The following SNX1 variants were observed in gnomAD, a reference collection of about 807,000 sequenced individuals.
SNX1 encodes the protein sorting nexin 1.
A neutral mutation model predicts 71.8 loss-of-function variants in SNX1; 36 were observed. That is an observed-to-expected ratio of 0.50 (90% CI 0.38 to 0.66). SNX1 has a LOEUF of 0.66. Ranked by LOEUF, SNX1 falls within the 30% of genes least tolerant of loss-of-function variation. SNX1 has a pLI of 0.00. For synonymous variants in SNX1, 254 were observed against 240.7 expected (o/e 1.06, Z -0.51); for missense variants, 612 against 646.7 (o/e 0.95, Z 0.58).
Position 64,131,699 on chromosome 15 carries a change from A to G in SNX1, c.1028A>G (p.Asn343Ser). ...LVNHRKELAL[N>S]TAQFAKSLAM... is the part of the protein sequence containing the mutation. Reference sequence around the variant, plus strand: ...TTCCTCCTTCCAGAGCTAGCGCTGAACACAGCCCAGTTTGCAAAGAGTCTA... The same window carrying G: ...TTCCTCCTTCCAGAGCTAGCGCTGAGCACAGCCCAGTTTGCAAAGAGTCTA... The change falls in exon 11 of 15, where the codon AAC (asparagine) becomes AGC (serine). Residue 343 changes from asparagine to serine, a missense_variant. Physicochemically the swap from Asn to Ser is conservative, Grantham distance 46. Around this residue, in one of 2 missense-constraint regions of SNX1, gnomAD observed 296 missense variants for 361.9 expected, o/e 0.82. Coordinates refer to ENST00000559844, the MANE Select transcript of SNX1 (RefSeq NM_003099.5). 6.2e-7 allele frequency: 1 copy of G among 1,614,066 alleles called. No homozygotes were observed.
In SNX1 at chr15:64,136,247, T is replaced by C; in HGVS notation, c.1366-83T>C. 2.9e-6 allele frequency: 3 copies of C among 1,021,606 alleles called. No individual in the cohort carries two copies. The South Asian group carries it at 3.9e-5, about 13-fold the overall frequency. 63.3% of individuals were successfully genotyped at this position (1,021,606 alleles called of 1,614,324 possible). The stretch of plus-strand genomic sequence containing the variant: ...GACATAATGATCAATTGAGCCCTCA[T>C]ATGTAAAATCGCTGTCCAAATGTGA... On this transcript the variant is annotated intron_variant, in intron 12 of 14. Coordinates refer to ENST00000559844, the MANE Select transcript of SNX1 (RefSeq NM_003099.5).
At chr15:64,127,356 G>T in intron 7 of SNX1, 104 bp downstream of exon 7, 1 of 884,802 alleles carries the variant, frequency 1.1e-6, no homozygotes, top group Non-Finnish European at 1.8e-6. Flanking sequence ...GATGAAACGT[G>T]AATAAATTGA....
intron 1 of SNX1, among the ~76,000 whole-genome samples, chr15:64,110,228 A>G (rs2081065216): frequency 6.6e-6 from 1 of 152,172 alleles, no homozygotes; most frequent in South Asian, 2.1e-4. Context: ...CTACAGAAAA[A>G]AGATTAGGAT....
intron 1 of SNX1, chr15:64,111,514 A>T (rs571407655): frequency 6.6e-6 from 1 of 152,218 alleles, no homozygotes; most frequent in Non-Finnish European, 1.5e-5. Context: ...AAGGGTTTCG[A>T]TCTGTAACTG....
intron 1 of SNX1, among the ~76,000 whole-genome samples, chr15:64,109,245 C>T (rs565150666): frequency 2.6e-4 from 40 of 151,634 alleles, no homozygotes; most frequent in African/African-American, 9.4e-4. Flanking sequence ...TGGTGGCACG[C>T]GCCTGTAGTC....
At chr15:64,116,097 T>A (rs1361427634) in intron 2 of SNX1, among the ~76,000 whole-genome samples, 4 of 152,346 alleles carry the variant, frequency 2.6e-5, no homozygotes, top group Middle Eastern at 3.4e-3. Flanking sequence ...ACCAATAAGA[T>A]AATCAATTAA....
chr15:64,136,484 CTGT>C (rs1188392874), intron 13 of SNX1, 74 bp downstream of exon 13: 1 of 1,306,608 alleles, frequency 7.7e-7, no homozygotes, highest in Non-Finnish European at 1.1e-6. Flanking sequence ...TTGTCCAACT[CTGT>C]TGGGTAAAGA....
chr15:64,101,613 T>A (rs766444554), intron 1 of SNX1, among the ~76,000 whole-genome samples: 18 of 152,344 alleles, frequency 1.2e-4, no homozygotes, highest in Admixed American at 3.3e-4. Flanking sequence ...TTCTTTTGGA[T>A]ATATATCCAG....
chr15:64,119,989 A>G (rs887620552), intron 4 of SNX1, among the ~76,000 whole-genome samples: 20 of 152,166 alleles, frequency 1.3e-4, no homozygotes, highest in Non-Finnish European at 2.2e-4. Context: ...TTGAAGTTAG[A>G]TCTTCAAAAA....
chr15:64,114,884 G>A (rs977914240), intron 2 of SNX1, among the ~76,000 whole-genome samples: 1 of 152,184 alleles, frequency 6.6e-6, no homozygotes, highest in Non-Finnish European at 1.5e-5. Context: ...GCTCAGGCCT[G>A]TAATTCCAGC....
chr15:64,131,292 A>G (rs952927070), intron 10 of SNX1, among the ~76,000 whole-genome samples: 1 of 152,236 alleles, frequency 6.6e-6, no homozygotes, highest in African/African-American at 2.4e-5. Context: ...GTGCAAGACT[A>G]TACGATGTGC....
At chr15:64,105,587 A>G (rs1207812723) in intron 1 of SNX1, among the ~76,000 whole-genome samples, 3 of 152,158 alleles carry the variant, frequency 2.0e-5, no homozygotes, top group Non-Finnish European at 2.9e-5. Flanking sequence ...TTCAGAGCAG[A>G]TTTGAACTGG....
In SNX1 at chr15:64,141,663, C is replaced by A. The variant is rs73448956; in HGVS notation, c.*4045C>A. On this transcript the variant is annotated 3_prime_UTR_variant, in exon 15 of 15. Transcript: ENST00000559844. This position sits in a 1 kb window ranked among gnomAD's most constrained non-coding sequence, Gnocchi z 5.1. The stretch of plus-strand genomic sequence containing the variant: ...AGTCAGTGAGGCCCATGGAGAAAAA[C>A]GAGCAGGAGCCACATCACATGGGTG... 1 of 152,258 alleles carries A rather than the reference C, an allele frequency of 6.6e-6. No homozygotes were observed. The highest frequency in any genetic ancestry group is 1.5e-5 in the Non-Finnish European group (1 of 68,122). The allele number at this position is 152,258 out of a possible 1,614,324, so 9.4% of individuals were successfully genotyped here. A position where few individuals can be genotyped will look rare whatever the true frequency, so the allele number is the denominator to read the frequency against.
intron 6 of SNX1, 48 bp from the exon 7 acceptor site, chr15:64,127,126 C>G (rs2081262155): frequency 4.9e-6 from 7 of 1,420,876 alleles, no homozygotes; most frequent in Non-Finnish European, 6.9e-6. Context: ...AAGATTTATC[C>G]TCTTCATGAT....
intron 5 of SNX1, among the ~76,000 whole-genome samples, chr15:64,124,506 C>CAA (rs61561795): frequency 0.059 from 3,799 of 64,014 alleles, 242 homozygotes; most frequent in African/African-American, 0.17. Context: ...GACTCTGTCT[C>CAA]AAAAAAAAAA....
chr15:64,134,841 T>C lies in SNX1; in HGVS notation c.1365+34T>C. On this transcript the variant is annotated intron_variant, in intron 12 of 14. Coordinates refer to ENST00000559844, the MANE Select transcript of SNX1 (RefSeq NM_003099.5). This position sits in a 1 kb window ranked among gnomAD's most constrained non-coding sequence, Gnocchi z 4.1. The stretch of plus-strand genomic sequence containing the variant: ...ACTGAGGCAGCCCAGCCAGGGGTGT[T>C]CTGCTGGTTCCAAATGAACCCAGGG... 1 of 1,611,310 alleles carries C rather than the reference T, an allele frequency of 6.2e-7. No individual in the cohort carries two copies. The highest frequency in any genetic ancestry group is 8.5e-7 in the Non-Finnish European group (1 of 1,178,962).
intron 13 of SNX1, 102 bp from the exon 14 acceptor site, chr15:64,136,759 A>C (rs758939042): frequency 6.1e-6 from 5 of 826,274 alleles, no homozygotes; most frequent in Admixed American, 2.1e-5. Context: ...TGCTGCCTCT[A>C]CTTTCTGAGA....
intron 10 of SNX1, among the ~76,000 whole-genome samples, chr15:64,131,058 G>A (rs972810486): frequency 2.0e-5 from 3 of 152,220 alleles, no homozygotes; most frequent in Non-Finnish European, 2.9e-5. Flanking sequence ...GCCGAGGCAG[G>A]TGGGTCACGA....
intron 1 of SNX1, 128 bp from the exon 2 acceptor site, chr15:64,112,445 T>A (rs780234597): frequency 3.3e-6 from 2 of 601,908 alleles, no homozygotes; most frequent in Non-Finnish European, 5.9e-6. Context: ...ATTTTACTAA[T>A]AACGATTTGC....
Sources: allele counts gnomAD v4.1 joint callset (sites outside exome capture counted in the v4.1 genomes callset), GRCh38; gene constraint gnomAD v4.1.1; regional missense constraint gnomAD v4.1.1; non-coding constraint Gnocchi (gnomAD v3.1); transcripts MANE v1.5; gene names NCBI Gene and HGNC (gene_info 2026-07-23, HGNC 2026-07-21).